Variants in OLA1 observed in about 807,000 individuals in gnomAD.
OLA1 encodes the protein obg-like ATPase 1.
A neutral mutation model predicts 48.4 loss-of-function variants in OLA1; 14 were observed. The ratio of observed to expected loss-of-function variants is 0.29; its 90% confidence interval spans 0.19 to 0.45. OLA1 has a LOEUF of 0.45. OLA1 is among the 20% of genes least tolerant of loss of function. The probability of loss-of-function intolerance (pLI) is 1.00; values close to 1 mark genes in which losing one functional copy is unlikely to be tolerated. For synonymous variants in OLA1, 127 were observed against 150.4 expected (o/e 0.84, Z 1.14); for missense variants, 325 against 467.1 (o/e 0.70, Z 2.80).
chr2:174,214,210 G>A (rs535075754), intron 4 of OLA1, among the ~76,000 whole-genome samples: 4 of 152,160 alleles, frequency 2.6e-5, no homozygotes, highest in African/African-American at 9.6e-5. Flanking sequence ...GTGCACACCT[G>A]TAGTCCCAGC....
chr2:174,238,918 C>T (rs1234215518), intron 2 of OLA1, among the ~76,000 whole-genome samples: 2 of 152,030 alleles, frequency 1.3e-5, no homozygotes, highest in Non-Finnish European at 2.9e-5. Context: ...AACATAAAGG[C>T]TCCTAATCAC....
chr2:174,206,579 C>T (rs907236363), intron 4 of OLA1, among the ~76,000 whole-genome samples: 1 of 150,656 alleles, frequency 6.6e-6, no homozygotes, highest in Non-Finnish European at 1.5e-5. Context: ...ATACAAATGC[C>T]TCAATCACCA....
chr2:174,100,117 G>T (rs762899689), intron 7 of OLA1, among the ~76,000 whole-genome samples: 6 of 152,152 alleles, frequency 3.9e-5, no homozygotes, highest in Non-Finnish European at 7.4e-5. Flanking sequence ...AACACTGGGG[G>T]ACCTGGATCA....
intron 4 of OLA1, among the ~76,000 whole-genome samples, chr2:174,173,993 G>C (rs1193791313): frequency 7.5e-6 from 1 of 133,496 alleles, no homozygotes; most frequent in Non-Finnish European, 1.6e-5. Context: ...AATTGAATCT[G>C]AAATAAAAAC....
rs1199876182 is a variant in OLA1, at chr2:174,142,004, A to T, written c.374-4T>A. 5.0e-6 allele frequency: 8 copies of T among 1,612,688 alleles called. No homozygotes were observed. The highest frequency in any genetic ancestry group is 5.9e-6 in the Non-Finnish European group (7 of 1,179,236). ...ATATCATCATCTTCAAAAGCACCTA[A>T]AATGAATTAAAGGGAAGCAATTCAA... is the stretch of plus-strand genomic sequence containing the variant. On this transcript the variant is annotated splice_polypyrimidine_tract_variant and splice_region_variant and intron_variant, in intron 4 of 10. Coordinates refer to ENST00000284719, the MANE Select transcript of OLA1 (RefSeq NM_013341.5).
intron 4 of OLA1, among the ~76,000 whole-genome samples, chr2:174,186,555 C>T (rs1486916355): frequency 1.3e-5 from 2 of 152,168 alleles, no homozygotes; most frequent in African/African-American, 2.4e-5. Context: ...CCAGATTCCC[C>T]CAGGCAAGCA....
chr2:174,095,486 T>C (rs1486395665), intron 7 of OLA1, among the ~76,000 whole-genome samples: 3 of 152,050 alleles, frequency 2.0e-5, no homozygotes, highest in Non-Finnish European at 2.9e-5. Context: ...ATATCTTCTT[T>C]GGAGAAATGT....
In OLA1 at chr2:174,142,101, A is replaced by G. The variant is rs993445387; in HGVS notation, c.374-101T>C. On this transcript the variant is annotated intron_variant, in intron 4 of 10. Coordinates refer to ENST00000284719, the MANE Select transcript of OLA1 (RefSeq NM_013341.5). Reference sequence around the variant, plus strand: ...TAGAAGGTTAACAAATAAATATAATAAATAAATTACTCTGGCTTCTTGGCA... The same window carrying G: ...TAGAAGGTTAACAAATAAATATAATGAATAAATTACTCTGGCTTCTTGGCA... 92 of 1,038,886 alleles carry G rather than the reference A, an allele frequency of 8.9e-5. No individual in the cohort carries two copies. The African/African-American group carries it at 1.3e-3, about 15-fold the overall frequency. 64.4% of individuals were successfully genotyped at this position (1,038,886 alleles called of 1,614,324 possible).
At chr2:174,216,176 AC>A (rs1688356852) in intron 4 of OLA1, among the ~76,000 whole-genome samples, 5 of 151,968 alleles carry the variant, frequency 3.3e-5, no homozygotes, top group Admixed American at 3.3e-4. Flanking sequence ...TGTGGTGCAC[AC>A]CTGTAGTCCT....
In OLA1 at chr2:174,095,341, TTTTTTTTTG is replaced by T. The variant is rs1401889945; in HGVS notation, c.729-13286_729-13278del. On this transcript the variant is annotated intron_variant, in intron 7 of 10. Coordinates refer to ENST00000284719, the MANE Select transcript of OLA1 (RefSeq NM_013341.5). ...TTATTTCCTGTTTTTTTTTTTTTTTTTTTTTTTTGTTGTTGTTGTTGTTTTTATAGTGGC... is the reference window on the plus strand; with the variant it reads ...TTATTTCCTGTTTTTTTTTTTTTTTTTTGTTGTTGTTGTTTTTATAGTGGC... Among the ~76,000 whole-genome samples the T allele has an allele frequency of 3.4e-4, 43 of 125,100 alleles. 3 individuals carry two copies. Among genetic ancestry groups the T allele is most frequent in the Admixed American group, 1.5e-3 (19 of 12,432 alleles). The allele number at this position is 125,100 out of a possible 152,430, so 82.1% of individuals were successfully genotyped here.
In OLA1 at chr2:174,123,569, T is replaced by A. The variant is rs749117828; in HGVS notation, c.630+26A>T. On this transcript the variant is annotated intron_variant, in intron 6 of 10. Coordinates refer to ENST00000284719, the MANE Select transcript of OLA1 (RefSeq NM_013341.5). ...TAGCAAATGAAAGCAAAGGCAGTAA[T>A]AGATGGCATGATATTTACAACTTAC... The A allele has an allele frequency of 2.9e-6, 4 of 1,398,298 alleles. No homozygotes were observed. The Admixed American group carries it at 6.2e-5, about 22-fold the overall frequency. 86.6% of individuals were successfully genotyped at this position (1,398,298 alleles called of 1,614,324 possible).
chr2:174,092,774 C>T (rs1685158581), intron 7 of OLA1, among the ~76,000 whole-genome samples: 1 of 152,110 alleles, frequency 6.6e-6, no homozygotes, highest in Non-Finnish European at 1.5e-5. Flanking sequence ...AATTAGTATG[C>T]TTGTTTTTTA....
At chr2:174,191,113 T>C (rs1195621924) in intron 4 of OLA1, among the ~76,000 whole-genome samples, 1 of 152,052 alleles carries the variant, frequency 6.6e-6, no homozygotes, top group Non-Finnish European at 1.5e-5. Flanking sequence ...AGATTTCAAG[T>C]GTTCCCCCAA....
At chr2:174,150,242 G>T (rs1426861324) in intron 4 of OLA1, among the ~76,000 whole-genome samples, 2 of 152,146 alleles carry the variant, frequency 1.3e-5, no homozygotes, top group East Asian at 3.9e-4. Flanking sequence ...CTTATCACCA[G>T]AGTGGGTTTG....
At position 174,247,935 on chromosome 2, in the gene OLA1, G is replaced by GAACTAA. The variant is rs2105471479; in HGVS notation, c.-1+511_-1+516dup. ...GCTAAGCTCACGTCTCAGAAGCTGG[G>GAACTAA]AACTAAAACTGTCCCAGTCTTCTGG... On this transcript the variant is annotated intron_variant, in intron 1 of 10. Transcript: ENST00000284719. The GAACTAA allele has an allele frequency of 2.0e-5, 17 of 865,834 alleles. No homozygotes were observed. In the South Asian group the frequency reaches 3.0e-4, roughly 15 times the overall value. The allele number at this position is 865,834 out of a possible 1,614,324, so 53.6% of individuals were successfully genotyped here. A position where few individuals can be genotyped will look rare whatever the true frequency, so the allele number is the denominator to read the frequency against.
chr2:174,075,259 G>GGC lies in OLA1; in HGVS notation c.*166_*167insGC, dbSNP rs1684706978. ...TTAGTGAACCTGCATTTCATGGGGG[G>GGC]GGGGGGGTACACAGTATTTTAATTT... On this transcript the variant is annotated 3_prime_UTR_variant, in exon 11 of 11. Coordinates refer to ENST00000284719, the MANE Select transcript of OLA1 (RefSeq NM_013341.5). 1.9e-6 allele frequency: 1 copy of GGC among 514,398 alleles called. No individual in the cohort carries two copies. Among genetic ancestry groups the GGC allele is most frequent in the Non-Finnish European group, 3.5e-6 (1 of 287,762 alleles). 31.9% of individuals were successfully genotyped at this position (514,398 alleles called of 1,614,324 possible).
chr2:174,179,338 T>C (rs373128162), intron 4 of OLA1, among the ~76,000 whole-genome samples: 1 of 151,926 alleles, frequency 6.6e-6, no homozygotes, highest in Non-Finnish European at 1.5e-5. Context: ...TAGTTATGCA[T>C]GAGTACTCAG....
rs1688540796 is a variant in OLA1, at chr2:174,223,039, G to A, written c.367C>T (p.Leu123=). 6.2e-7 allele frequency: 1 copy of A among 1,612,040 alleles called. No individual in the cohort carries two copies. Among genetic ancestry groups the A allele is most frequent in the Non-Finnish European group, 8.5e-7 (1 of 1,179,120 alleles). The change falls in exon 4 of 11, where the codon CTA becomes TTA. Residue 123 remains leucine (L), a synonymous_variant. Transcript: ENST00000284719. ...HISACDGIFH[L]TRAFEDDDIT... is the part of the protein sequence containing the mutation. ...AATAAACAACTGTACTTACGTGTTA[G>A]ATGAAAGATGCCATCACAGGCACTA... is the stretch of plus-strand genomic sequence containing the variant.
chr2:174,117,334 G>C (rs1203121638), intron 7 of OLA1, among the ~76,000 whole-genome samples: 1 of 152,064 alleles, frequency 6.6e-6, no homozygotes, highest in Non-Finnish European at 1.5e-5. Flanking sequence ...GAAAGGCTAA[G>C]TAATTTAAAT....
Sources: gnomAD v4.1 joint callset for allele counts (sites outside exome capture counted in the v4.1 genomes callset) on GRCh38, gnomAD v4.1.1 for gene constraint, MANE v1.5 for transcripts, NCBI Gene and HGNC (gene_info 2026-07-23, HGNC 2026-07-21) for gene names.